USP38: variants seen among roughly 807,000 people sequenced by gnomAD.
The protein encoded by USP38 is ubiquitin carboxyl-terminal hydrolase 38.
A neutral mutation model predicts 94.3 loss-of-function variants in USP38; 49 were observed. The ratio of observed to expected loss-of-function variants is 0.52; its 90% confidence interval spans 0.41 to 0.66. The LOEUF (loss-of-function observed/expected upper bound fraction) is 0.66. USP38 is among the 30% of genes least tolerant of loss of function. USP38 has a pLI of 0.00. For missense variants in USP38, 1,128 were observed against 1,229.4 expected, an observed-to-expected ratio of 0.92 and a Z score of 1.23; for synonymous variants, 468 against 463.6, an observed-to-expected ratio of 1.01 and a Z score of -0.12.
chr4:143,215,721 T>G (rs1280405320), intron 9 of USP38: 1 of 152,114 alleles, frequency 6.6e-6, no homozygotes, highest in Non-Finnish European at 1.5e-5. Flanking sequence ...AAATTCTGTG[T>G]TTGAAAGTCA....
chr4:143,185,200 C>CG lies in USP38; in HGVS notation c.-248dup. 2.3e-6 allele frequency: 1 copy of CG among 428,870 alleles called. No homozygotes were observed. The highest frequency in any genetic ancestry group is 6.2e-4 in the Middle Eastern group (1 of 1,612). The allele number at this position is 428,870 out of a possible 1,614,324, so 26.6% of individuals were successfully genotyped here. On this transcript the variant is annotated 5_prime_UTR_variant, in exon 1 of 10. It introduces an in-frame stop codon into an upstream open reading frame of the 5' UTR. Coordinates refer to ENST00000307017, the MANE Select transcript of USP38 (RefSeq NM_032557.6). ...GAGGGCCCGGGGCGGCGGCGGAGTACGGGCCTCTGGCGCCTTAGGCCAGCC... is the reference window on the plus strand; with the variant it reads ...GAGGGCCCGGGGCGGCGGCGGAGTACGGGGCCTCTGGCGCCTTAGGCCAGCC...
At chr4:143,196,725 T>C (rs1731559506) in intron 3 of USP38, among the ~76,000 whole-genome samples, 2 of 152,172 alleles carry the variant, frequency 1.3e-5, no homozygotes, top group African/African-American at 4.8e-5. Context: ...ATATTTTTAG[T>C]CCATTTTTCT....
At chr4:143,218,531 A>G (rs1008170524) in intron 9 of USP38, among the ~76,000 whole-genome samples, 1 of 152,110 alleles carries the variant, frequency 6.6e-6, no homozygotes, top group African/African-American at 2.4e-5. Context: ...TCAGCCATAT[A>G]TTTCTATAAA....
In USP38 at chr4:143,220,276, A is replaced by C; in HGVS notation, c.2968-19A>C. 6.3e-7 allele frequency: 1 copy of C among 1,597,666 alleles called. No homozygotes were observed. The highest frequency in any genetic ancestry group is 8.5e-7 in the Non-Finnish European group (1 of 1,173,132). On this transcript the variant is annotated intron_variant, in intron 9 of 9. Coordinates refer to ENST00000307017, the MANE Select transcript of USP38 (RefSeq NM_032557.6). ...TGTATTTAGCATTTTAATTTCATAA[A>C]AGTTATTTTTAATTTTAGGAACAAG...
Position 143,195,864 on chromosome 4 carries a change from A to C in USP38, c.948+19A>C, listed in dbSNP as rs757844773. The C allele has an allele frequency of 1.3e-6, 2 of 1,599,262 alleles. No individual in the cohort carries two copies. Among genetic ancestry groups the C allele is most frequent in the South Asian group, 1.1e-5 (1 of 88,380 alleles). Reference sequence around the variant, plus strand: ...AGAACTGGTAAGTGGGAGTATGGAAATCTATTAGAATATATAGACTCATAA... The same window carrying C: ...AGAACTGGTAAGTGGGAGTATGGAACTCTATTAGAATATATAGACTCATAA... On this transcript the variant is annotated intron_variant, in intron 3 of 9. Coordinates refer to ENST00000307017, the MANE Select transcript of USP38 (RefSeq NM_032557.6).
In USP38 at chr4:143,187,908, C is replaced by A; in HGVS notation, c.765C>A (p.Ser255Arg). ...PLQMITVLIR[S>R]LTTDPNVKDA... The stretch of plus-strand genomic sequence containing the variant: ...AGATGATTACAGTTCTCATCAGGAG[C>A]CTTACTACGGATCCAAATGTAAAAG... Residue 255 changes from serine (S) to arginine (R), a missense_variant, in exon 2 of 10, where the codon AGC (serine) becomes AGA (arginine). Physicochemically the swap from Ser to Arg is moderately radical, Grantham distance 110 (BLOSUM62 -1). Transcript: ENST00000307017. 6.2e-7 allele frequency: 1 copy of A among 1,613,756 alleles called. No individual in the cohort carries two copies. The highest frequency in any genetic ancestry group is 1.1e-5 in the South Asian group (1 of 91,068).
intron 4 of USP38, among the ~76,000 whole-genome samples, chr4:143,199,357 T>C (rs1731644983): frequency 6.6e-6 from 1 of 152,212 alleles, no homozygotes. Flanking sequence ...GGTGTATATG[T>C]ACCACATTTT....
Position 143,214,987 on chromosome 4 carries a change from A to G in USP38, c.2967+44A>G, listed in dbSNP as rs773928438. 2.5e-5 allele frequency: 39 copies of G among 1,561,174 alleles called. No homozygotes were observed. In the African/African-American group the frequency reaches 3.4e-4, roughly 14 times the overall value. On this transcript the variant is annotated intron_variant, in intron 9 of 9. Coordinates refer to ENST00000307017, the MANE Select transcript of USP38 (RefSeq NM_032557.6). The stretch of plus-strand genomic sequence containing the variant: ...CTTTATTTGTTGAAAATATTAAACA[A>G]TTGACACAGTTAAATGAGTACCCTC...
chr4:143,193,782 T>C (rs997710913), intron 2 of USP38, among the ~76,000 whole-genome samples: 1 of 152,250 alleles, frequency 6.6e-6, no homozygotes, highest in South Asian at 2.1e-4. Context: ...AATAACCATA[T>C]AAATGAAGAT....
At chr4:143,210,160 G>T (rs558102771) in intron 7 of USP38, among the ~76,000 whole-genome samples, 2 of 152,178 alleles carry the variant, frequency 1.3e-5, no homozygotes, top group South Asian at 4.1e-4. Flanking sequence ...AAATTTCGTG[G>T]TGATCTTTTA....
intron 9 of USP38, among the ~76,000 whole-genome samples, chr4:143,216,172 A>G (rs999275434): frequency 6.6e-6 from 1 of 152,056 alleles, no homozygotes; most frequent in African/African-American, 2.4e-5. Flanking sequence ...CTTGCCTTTT[A>G]CCCCATTACT....
At position 143,222,417 on chromosome 4, in the gene USP38, C is replaced by T. The variant is rs1395630604; in HGVS notation, c.*1961C>T. On this transcript the variant is annotated 3_prime_UTR_variant, in exon 10 of 10. Coordinates refer to ENST00000307017, the MANE Select transcript of USP38 (RefSeq NM_032557.6). ...TTTGCATATAACCTGTGCACATCCT[C>T]CCATATACTTTAATCTCCAGATGAT... is the stretch of plus-strand genomic sequence containing the variant. 6.6e-6 allele frequency: 1 copy of T among 152,006 alleles called. No homozygotes were observed. Among genetic ancestry groups the T allele is most frequent in the Non-Finnish European group, 1.5e-5 (1 of 67,946 alleles). 9.4% of individuals were successfully genotyped at this position (152,006 alleles called of 1,614,324 possible).
In USP38 at chr4:143,195,704, C is replaced by T. The variant is rs757200429; in HGVS notation, c.819-12C>T. ...TTTCAATAATGATTGTTTCATTTTC[C>T]TTCAATTTCAGAATGATTGACTGGC... On this transcript the variant is annotated splice_polypyrimidine_tract_variant and intron_variant, in intron 2 of 9. Transcript: ENST00000307017. The T allele has an allele frequency of 1.3e-6, 2 of 1,570,350 alleles. No individual in the cohort carries two copies. The highest frequency in any genetic ancestry group is 2.3e-5 in the East Asian group (1 of 43,920).
chr4:143,198,961 T>G (rs35143494), intron 4 of USP38, among the ~76,000 whole-genome samples: 14,531 of 152,212 alleles, frequency 0.095, 868 homozygotes, highest in African/African-American at 0.16. Flanking sequence ...GTAAGACATT[T>G]GAGAAAAGGC....
In USP38 at chr4:143,223,780, A is replaced by G. The variant is rs1184754390; in HGVS notation, c.*3324A>G. 6.6e-6 allele frequency: 1 copy of G among 152,056 alleles called. No individual in the cohort carries two copies. Among genetic ancestry groups the G allele is most frequent in the Non-Finnish European group, 1.5e-5 (1 of 67,996 alleles). The allele number at this position is 152,056 out of a possible 1,614,324, so 9.4% of individuals were successfully genotyped here. ...CTTTTAAAATGACTATTTCAAAAATACTGTACATTTATATATAGTATTTTT... is the reference window on the plus strand; with the variant it reads ...CTTTTAAAATGACTATTTCAAAAATGCTGTACATTTATATATAGTATTTTT... On this transcript the variant is annotated 3_prime_UTR_variant, in exon 10 of 10. Transcript: ENST00000307017.
chr4:143,207,202 T>C (rs977398346), intron 6 of USP38, among the ~76,000 whole-genome samples: 3 of 152,210 alleles, frequency 2.0e-5, no homozygotes, highest in African/African-American at 7.2e-5. Context: ...AGTTCTAAGC[T>C]TTTCCAAGTT....
In USP38 at chr4:143,185,702, C is replaced by G. The variant is rs776712447; in HGVS notation, c.252C>G (p.Phe84Leu). The part of the protein sequence containing the change: ...PEFESFFNKT[F>L]VLGLLHQGYH... Reference sequence around the variant, plus strand: ...TCGAGTCCTTCTTCAACAAGACCTTCGTGTTGGGCCTCCTTCATCAGGGCT... The same window carrying G: ...TCGAGTCCTTCTTCAACAAGACCTTGGTGTTGGGCCTCCTTCATCAGGGCT... Residue 84 changes from phenylalanine to leucine, a missense_variant, in exon 1 of 10, where the codon TTC becomes TTG. Coordinates refer to ENST00000307017, the MANE Select transcript of USP38 (RefSeq NM_032557.6). 6.2e-7 allele frequency: 1 copy of G among 1,614,160 alleles called. No individual in the cohort carries two copies. Among genetic ancestry groups the G allele is most frequent in the Non-Finnish European group, 8.5e-7 (1 of 1,180,030 alleles).
In USP38 at chr4:143,188,074, G is replaced by T. The variant is rs1731281175; in HGVS notation, c.818+113G>T. 5.6e-6 allele frequency: 7 copies of T among 1,247,696 alleles called. No homozygotes were observed. The South Asian group carries it at 1.1e-4, about 20-fold the overall frequency. The allele number at this position is 1,247,696 out of a possible 1,614,324, so 77.3% of individuals were successfully genotyped here. ...ATGTTTAAAACTAAAATCATGGAAT[G>T]ACATATGTAAAGATTCTCCAAATAG... On this transcript the variant is annotated intron_variant, in intron 2 of 9. Transcript: ENST00000307017.
At chr4:143,190,447 A>AC (rs1190939637) in intron 2 of USP38, among the ~76,000 whole-genome samples, 1 of 152,088 alleles carries the variant, frequency 6.6e-6, no homozygotes, top group East Asian at 1.9e-4. Flanking sequence ...CCCAGTTATG[A>AC]TATAGTCACC....
Sources: gnomAD v4.1 joint callset for allele counts (sites outside exome capture counted in the v4.1 genomes callset) on GRCh38, gnomAD v4.1.1 for gene constraint, MANE v1.5 for transcripts, NCBI Gene and HGNC (gene_info 2026-07-23, HGNC 2026-07-21) for gene names.